NEBL: variants seen among roughly 807,000 people sequenced by gnomAD.
NEBL encodes nebulette.
A neutral mutation model predicts 140.2 loss-of-function variants in NEBL; 122 were observed. That is an observed-to-expected ratio of 0.87 (90% CI 0.75 to 1.01). NEBL has a LOEUF of 1.01. Among genes scored for constraint, NEBL ranks in the 50% least tolerant of loss-of-function variants. The pLI is 0.00. For synonymous variants in NEBL, 436 were observed against 398.9 expected, an observed-to-expected ratio of 1.09 and a Z score of -1.11; for missense variants, 1,365 against 1,231.3, an observed-to-expected ratio of 1.11 and a Z score of -1.62.
Position 20,869,823 on chromosome 10 carries a change from C to A in NEBL, c.499G>T (p.Val167Leu). The A allele has an allele frequency of 6.2e-7, 1 of 1,612,054 alleles. No homozygotes were observed. Among genetic ancestry groups the A allele is most frequent in the Non-Finnish European group, 8.5e-7 (1 of 1,178,314 alleles). ...GCACTGTACGTGTGGGTGTCCTGCA[C>A]GTCTTTCCTATAAGAAATCTGATCA... ...HQSNISYRKD[V>L]QDTHTYSAEL... Residue 167 changes from valine to leucine, a missense_variant, in exon 6 of 28, where the codon GTG becomes TTG. By Grantham distance (32) the Val-to-Leu change is conservative (BLOSUM62 1). Transcript: ENST00000377122.
chr10:20,954,457 G>C (rs1589069981), intron 4 of NEBL, among the ~76,000 whole-genome samples: 1 of 152,244 alleles, frequency 6.6e-6, no homozygotes, highest in South Asian at 2.1e-4. Flanking sequence ...GAAGCTGACT[G>C]TCAGAGCAGC....
chr10:21,108,021 T>C (rs1837801868), intron 2 of NEBL, among the ~76,000 whole-genome samples: 2 of 152,344 alleles, frequency 1.3e-5, no homozygotes, highest in Admixed American at 1.3e-4. Flanking sequence ...GATATCCCCT[T>C]TATCATTTTT....
intron 4 of NEBL, among the ~76,000 whole-genome samples, chr10:20,913,695 T>G (rs1160955525): frequency 6.6e-6 from 1 of 152,210 alleles, no homozygotes; most frequent in Non-Finnish European, 1.5e-5. Context: ...ATCAATAGCA[T>G]ATTAATTTTA....
upstream of NEBL, among the ~76,000 whole-genome samples, chr10:20,898,056 A>G (rs1026593581): frequency 3.5e-4 from 53 of 152,298 alleles, no homozygotes; most frequent in African/African-American, 1.0e-3. Context: ...TTACAAAGTC[A>G]TTGGTGATTT....
At chr10:21,248,132 G>T in intron 2 of NEBL, 1 of 208,794 alleles carries the variant, frequency 4.8e-6, no homozygotes. Flanking sequence ...ATGCAGTGGT[G>T]CAATCATGGC....
chr10:20,941,247 T>C (rs1010593386), intron 4 of NEBL, among the ~76,000 whole-genome samples: 1 of 152,244 alleles, frequency 6.6e-6, no homozygotes, highest in African/African-American at 2.4e-5. Context: ...CATGATCAAG[T>C]GGGCTTCATC....
chr10:20,936,401 T>C (rs1429403101), intron 4 of NEBL, among the ~76,000 whole-genome samples: 2 of 152,230 alleles, frequency 1.3e-5, no homozygotes, highest in Non-Finnish European at 2.9e-5. Context: ...CCTAACAGGC[T>C]ATTGCAAATG....
intron 1 of NEBL, among the ~76,000 whole-genome samples, chr10:21,258,493 C>G (rs1842694345): frequency 6.6e-6 from 1 of 152,006 alleles, no homozygotes; most frequent in Non-Finnish European, 1.5e-5. Flanking sequence ...TCAACTGAGG[C>G]TGGGAGTTTG....
chr10:21,136,602 C>G, intron 2 of NEBL, among the ~76,000 whole-genome samples: 1 of 152,196 alleles, frequency 6.6e-6, no homozygotes, highest in East Asian at 1.9e-4. Context: ...TTCCCCACCT[C>G]TCCTTCTGTA....
chr10:21,007,227 G>T (rs916915496), intron 3 of NEBL, among the ~76,000 whole-genome samples: 8 of 152,134 alleles, frequency 5.3e-5, no homozygotes, highest in African/African-American at 1.7e-4. Flanking sequence ...ACAGCCGCTG[G>T]TCTCTCGCCT....
intron 1 of NEBL, among the ~76,000 whole-genome samples, chr10:21,257,859 T>C (rs1409393307): frequency 1.3e-5 from 2 of 151,588 alleles, no homozygotes; most frequent in African/African-American, 4.9e-5. Context: ...CACTCCAGCC[T>C]GGGTGGCAGA....
upstream of NEBL, among the ~76,000 whole-genome samples, chr10:21,175,824 G>GT (rs1010573797): frequency 2.0e-5 from 3 of 151,698 alleles, no homozygotes; most frequent in African/African-American, 4.8e-5. Context: ...AAAGGCAGTA[G>GT]TTTTTTTTTA....
chr10:20,946,763 T>C (rs35972559), intron 4 of NEBL, among the ~76,000 whole-genome samples: 1 of 152,330 alleles, frequency 6.6e-6, no homozygotes, highest in South Asian at 2.1e-4. Flanking sequence ...TGTAATATAG[T>C]TCACAATCTA....
chr10:21,063,034 A>T (rs1223124942), intron 2 of NEBL, among the ~76,000 whole-genome samples: 1 of 152,176 alleles, frequency 6.6e-6, no homozygotes, highest in Non-Finnish European at 1.5e-5. Context: ...ATAGAAATAA[A>T]GGTTGCAGGG....
At chr10:21,050,099 C>T (rs951494765) in intron 2 of NEBL, among the ~76,000 whole-genome samples, 1 of 152,172 alleles carries the variant, frequency 6.6e-6, no homozygotes, top group Non-Finnish European at 1.5e-5. Context: ...CTAGATAATT[C>T]AACCTTATAA....
At chr10:21,125,106 G>A (rs1838759293) in intron 2 of NEBL, among the ~76,000 whole-genome samples, 1 of 152,218 alleles carries the variant, frequency 6.6e-6, no homozygotes, top group South Asian at 2.1e-4. Flanking sequence ...TCCTATGGCG[G>A]CAAAGAAGAG....
At chr10:21,273,059 C>T (rs1842877833) in intron 1 of NEBL, among the ~76,000 whole-genome samples, 1 of 152,118 alleles carries the variant, frequency 6.6e-6, no homozygotes, top group African/African-American at 2.4e-5. Context: ...CAGCTGCTCA[C>T]CAAAGACAAC....
chr10:20,943,322 C>T (rs567037462), intron 4 of NEBL, among the ~76,000 whole-genome samples: 53 of 152,308 alleles, frequency 3.5e-4, no homozygotes, highest in African/African-American at 1.2e-3. Flanking sequence ...CCATCATTCT[C>T]AGCAAACTAT....
intron 2 of NEBL, among the ~76,000 whole-genome samples, chr10:21,108,073 C>T (rs1837804625): frequency 6.6e-6 from 1 of 151,986 alleles, no homozygotes; most frequent in Non-Finnish European, 1.5e-5. Flanking sequence ...CTTTATTAGT[C>T]TGGCTAGTGG....
Sources: allele counts gnomAD v4.1 joint callset (sites outside exome capture counted in the v4.1 genomes callset), GRCh38; gene constraint gnomAD v4.1.1; transcripts MANE v1.5; gene names NCBI Gene and HGNC (gene_info 2026-07-23, HGNC 2026-07-21).